Variants in MARCHF1 observed in about 807,000 individuals in gnomAD.
MARCHF1 encodes E3 ubiquitin-protein ligase MARCHF1.
In MARCHF1, 40 loss-of-function variants were observed where a neutral mutation model predicts 54.2. That is an observed-to-expected ratio of 0.74 (90% CI 0.57 to 0.96). The LOEUF (loss-of-function observed/expected upper bound fraction) is 0.96. Ranked by LOEUF, MARCHF1 falls within the 40% of genes least tolerant of loss-of-function variation. The pLI is 0.00. For missense variants in MARCHF1, 586 were observed against 656.5 expected, an observed-to-expected ratio of 0.89 and a Z score of 1.17; for synonymous variants, 236 against 236.3, an observed-to-expected ratio of 1.00 and a Z score of 0.01.
intron 3 of MARCHF1, among the ~76,000 whole-genome samples, chr4:163,912,699 C>A (rs1467033577): frequency 2.0e-5 from 3 of 152,076 alleles, no homozygotes; most frequent in Non-Finnish European, 2.9e-5. Flanking sequence ...ATGGAAGAAG[C>A]AAAACAGATT....
At chr4:163,989,110 T>G (rs1481212575) in intron 2 of MARCHF1, among the ~76,000 whole-genome samples, 2 of 152,184 alleles carry the variant, frequency 1.3e-5, no homozygotes, top group African/African-American at 2.4e-5. Flanking sequence ...ACACTGCATC[T>G]TGCTGACTAC....
rs759607914 is a variant in MARCHF1 at position 163,527,424 on chromosome 4, A to G, written c.*1324T>C. The G allele has an allele frequency of 1.3e-5, 2 of 152,072 alleles. No homozygotes were observed. Among genetic ancestry groups the G allele is most frequent in the Admixed American group, 6.6e-5 (1 of 15,254 alleles). The allele number at this position is 152,072 out of a possible 1,614,324, so 9.4% of individuals were successfully genotyped here. ...CATATGGATGAAATAAGCCTTACAC[A>G]TTTGATTTAATAACAAAAATAGGTA... is the stretch of plus-strand genomic sequence containing the variant. On this transcript the variant is annotated 3_prime_UTR_variant, in exon 10 of 10. Coordinates refer to ENST00000514618, the MANE Select transcript of MARCHF1 (RefSeq NM_001394959.1).
intron 1 of MARCHF1, among the ~76,000 whole-genome samples, chr4:164,117,806 C>T (rs901195054): frequency 7.9e-5 from 12 of 151,610 alleles, no homozygotes; most frequent in Admixed American, 6.6e-4. Context: ...AGGCTGAGGC[C>T]GGAGAATTAC....
At chr4:164,231,508 A>T (rs1201622620) in intron 1 of MARCHF1, among the ~76,000 whole-genome samples, 2 of 152,178 alleles carry the variant, frequency 1.3e-5, no homozygotes, top group Non-Finnish European at 2.9e-5. Flanking sequence ...AACGGTTAAC[A>T]TGACATCTTT....
chr4:163,597,639 A>C (rs1284846178), intron 7 of MARCHF1, among the ~76,000 whole-genome samples: 1 of 152,218 alleles, frequency 6.6e-6, no homozygotes, highest in Non-Finnish European at 1.5e-5. Context: ...ATCAATAAAA[A>C]TATTAAAATA....
In MARCHF1 at chr4:163,733,177, GTATATATATATATA is replaced by G. The variant is rs1169850987; in HGVS notation, c.112-32328_112-32315del. ...TCTCTCTCTCTCTCTCTGTATGTGT[GTATATATATATATA>G]TATATATATATATATATATATATAT... On this transcript the variant is annotated intron_variant, in intron 4 of 9. Coordinates refer to ENST00000514618, the MANE Select transcript of MARCHF1 (RefSeq NM_001394959.1). Among the ~76,000 whole-genome samples, 60 of 17,534 alleles carry G rather than the reference GTATATATATATATA, an allele frequency of 3.4e-3. 3 individuals carry two copies. The highest frequency in any genetic ancestry group is 0.011 in the African/African-American group (45 of 4,042). 11.5% of individuals were successfully genotyped at this position (17,534 alleles called of 152,430 possible). A position where few individuals can be genotyped will look rare whatever the true frequency, so the allele number is the denominator to read the frequency against.
intron 2 of MARCHF1, among the ~76,000 whole-genome samples, chr4:164,020,546 A>G (rs1229133155): frequency 6.6e-6 from 1 of 152,224 alleles, no homozygotes; most frequent in Non-Finnish European, 1.5e-5. Flanking sequence ...TCTACAGAGT[A>G]TATCTTCCCC....
At chr4:163,949,118 C>T (rs957667607) in intron 3 of MARCHF1, among the ~76,000 whole-genome samples, 1 of 152,322 alleles carries the variant, frequency 6.6e-6, no homozygotes, top group Non-Finnish European at 1.5e-5. Context: ...GGCTTGGATC[C>T]CTTGCCTGCT....
intron 4 of MARCHF1, among the ~76,000 whole-genome samples, chr4:163,847,406 ATTTGT>A (rs1213913171): frequency 2.0e-5 from 3 of 152,008 alleles, no homozygotes; most frequent in Non-Finnish European, 2.9e-5. Context: ...TTATCAGTAA[ATTTGT>A]TTTATTTCTA....
intron 4 of MARCHF1, among the ~76,000 whole-genome samples, chr4:163,818,393 A>G (rs1748600969): frequency 6.6e-6 from 1 of 152,070 alleles, no homozygotes; most frequent in South Asian, 2.1e-4. Flanking sequence ...TCCATTAATA[A>G]GATTCTGTGC....
chr4:164,219,516 G>A (rs1732030223), intron 1 of MARCHF1, among the ~76,000 whole-genome samples: 1 of 151,888 alleles, frequency 6.6e-6, no homozygotes, highest in African/African-American at 2.4e-5. Context: ...TTACATTTAT[G>A]TCAATCCAGT....
intron 4 of MARCHF1, among the ~76,000 whole-genome samples, chr4:163,763,635 T>TAA (rs760672500): frequency 1.3e-5 from 2 of 151,838 alleles, no homozygotes; most frequent in South Asian, 4.2e-4. Flanking sequence ...CCTAAACACT[T>TAA]AAAAAAAAGA....
intron 9 of MARCHF1, among the ~76,000 whole-genome samples, chr4:163,541,629 T>C (rs1738726213): frequency 6.6e-6 from 1 of 152,184 alleles, no homozygotes; most frequent in African/African-American, 2.4e-5. Flanking sequence ...GAGGAATTTT[T>C]TTTCTCTCCA....
chr4:164,001,505 G>C (rs572311343), intron 2 of MARCHF1, among the ~76,000 whole-genome samples: 1 of 151,706 alleles, frequency 6.6e-6, no homozygotes, highest in African/African-American at 2.4e-5. Flanking sequence ...TGCAACTGTC[G>C]CTATAAACTA....
intron 1 of MARCHF1, among the ~76,000 whole-genome samples, chr4:164,354,477 G>A (rs1304866189): frequency 7.8e-6 from 1 of 128,618 alleles, no homozygotes; most frequent in African/African-American, 2.9e-5. Flanking sequence ...ATCAACAAAT[G>A]TAATCCAGCA....
chr4:164,196,868 A>T, intron 1 of MARCHF1: 1 of 1,027,832 alleles, frequency 9.7e-7, no homozygotes. Flanking sequence ...CAGCAATGTT[A>T]CAATCAGAAA....
At chr4:163,546,515 A>G (rs1434191595) in intron 8 of MARCHF1, among the ~76,000 whole-genome samples, 2 of 152,198 alleles carry the variant, frequency 1.3e-5, no homozygotes, top group African/African-American at 4.8e-5. Context: ...ACACAACTGG[A>G]CATAGTTTTA....
At chr4:163,964,415 G>GT (rs1255933090) in intron 3 of MARCHF1, among the ~76,000 whole-genome samples, 2 of 151,622 alleles carry the variant, frequency 1.3e-5, no homozygotes, top group Non-Finnish European at 2.9e-5. Context: ...CGTTATGACA[G>GT]TTTTTTTCCA....
chr4:163,663,237 T>TTAA (rs1743410706), intron 5 of MARCHF1, among the ~76,000 whole-genome samples: 1 of 149,812 alleles, frequency 6.7e-6, no homozygotes, highest in Non-Finnish European at 1.5e-5. Context: ...TTTTTTTTTT[T>TTAA]AGATTTAGGG....
Sources: gnomAD v4.1 joint callset for allele counts (sites outside exome capture counted in the v4.1 genomes callset) on GRCh38, gnomAD v4.1.1 for gene constraint, MANE v1.5 for transcripts, NCBI Gene and HGNC (gene_info 2026-07-23, HGNC 2026-07-21) for gene names.